Variants in IGF1R observed in about 807,000 individuals in gnomAD.
The protein encoded by IGF1R is insulin-like growth factor 1 receptor.
IGF1R carries 44 observed loss-of-function variants against 144.6 expected under a neutral mutation model. The ratio of observed to expected loss-of-function variants is 0.30; its 90% CI spans 0.24 to 0.39. IGF1R has a LOEUF of 0.39. Among genes scored for constraint, IGF1R ranks in the 10% least tolerant of loss-of-function variants. IGF1R has a pLI of 1.00. For synonymous variants in IGF1R, 795 were observed against 722.8 expected (o/e 1.10, Z -1.60); for missense variants, 1,355 against 1,833.7 (o/e 0.74, Z 4.77).
intron 2 of IGF1R, among the ~76,000 whole-genome samples, chr15:98,829,988 C>T (rs190131174): frequency 5.1e-4 from 78 of 152,270 alleles, no homozygotes; most frequent in African/African-American, 1.8e-3. Flanking sequence ...ATCAAATGTC[C>T]ACCATTAGTA....
intron 2 of IGF1R, among the ~76,000 whole-genome samples, chr15:98,832,269 A>T (rs969279271): frequency 6.6e-6 from 1 of 152,194 alleles, no homozygotes; most frequent in Non-Finnish European, 1.5e-5. Flanking sequence ...GCGGTTAAAC[A>T]GTTAAGAGGT....
intron 1 of IGF1R, among the ~76,000 whole-genome samples, chr15:98,685,974 A>G (rs1407227616): frequency 2.0e-5 from 3 of 152,248 alleles, no homozygotes; most frequent in African/African-American, 7.2e-5. Context: ...AACCATCACC[A>G]CTGTCCATCT....
At chr15:98,654,418 T>C (rs1596144373) in intron 1 of IGF1R, among the ~76,000 whole-genome samples, 1 of 152,182 alleles carries the variant, frequency 6.6e-6, no homozygotes, top group Non-Finnish European at 1.5e-5. Context: ...ATTTCAGAAG[T>C]TTTCTGGATT....
At chr15:98,894,580 G>C (rs573706047) in intron 3 of IGF1R, among the ~76,000 whole-genome samples, 1 of 152,296 alleles carries the variant, frequency 6.6e-6, no homozygotes. Context: ...ATCACATACT[G>C]TATAATTCCA....
chr15:98,851,022 C>T (rs971231960), intron 2 of IGF1R, among the ~76,000 whole-genome samples: 1 of 152,226 alleles, frequency 6.6e-6, no homozygotes, highest in Non-Finnish European at 1.5e-5. Flanking sequence ...GCAACCTTAA[C>T]ACAGTGCTAC....
At chr15:98,740,544 G>C (rs553570582) in intron 2 of IGF1R, among the ~76,000 whole-genome samples, 4 of 152,208 alleles carry the variant, frequency 2.6e-5, no homozygotes, top group South Asian at 2.1e-4. Context: ...GGTTAGTTAC[G>C]TGTGATACAA....
chr15:98,955,814 A>C (rs2016956659), intron 20 of IGF1R, among the ~76,000 whole-genome samples: 1 of 152,242 alleles, frequency 6.6e-6, no homozygotes, highest in African/African-American at 2.4e-5. Context: ...CCCTGACAGG[A>C]GGCTAGATGC....
At chr15:98,945,682 T>A (rs1052200791) in intron 19 of IGF1R, among the ~76,000 whole-genome samples, 1 of 152,176 alleles carries the variant, frequency 6.6e-6, no homozygotes, top group African/African-American at 2.4e-5. Context: ...CTTCGGTTGC[T>A]CCATCTGTAA....
At chr15:98,721,466 A>T (rs2054244883) in intron 2 of IGF1R, among the ~76,000 whole-genome samples, 1 of 152,212 alleles carries the variant, frequency 6.6e-6, no homozygotes, top group Admixed American at 6.5e-5. Flanking sequence ...GACCCCACTT[A>T]GTGTCTGAGT....
Position 98,957,789 on chromosome 15 carries a change from A to G in IGF1R, c.*347A>G, listed in dbSNP as rs554580628. 1.4e-5 allele frequency: 5 copies of G among 360,180 alleles called. No homozygotes were observed. The highest frequency in any genetic ancestry group is 1.3e-4 in the Admixed American group (3 of 23,018). 22.3% of individuals were successfully genotyped at this position (360,180 alleles called of 1,614,324 possible). On this transcript the variant is annotated 3_prime_UTR_variant, in exon 21 of 21. Transcript: ENST00000650285. ...TCCCTTTCTCTCTCCTCTCTGCTTC[A>G]TAACGGAAAAATAATTGCCACAAGT... is the stretch of plus-strand genomic sequence containing the variant.
At chr15:98,796,671 T>C (rs868642050) in intron 2 of IGF1R, among the ~76,000 whole-genome samples, 1 of 152,210 alleles carries the variant, frequency 6.6e-6, no homozygotes. Flanking sequence ...CAGCACTTAT[T>C]TTCTAACATA....
At chr15:98,809,612 T>C (rs1319074575) in intron 2 of IGF1R, among the ~76,000 whole-genome samples, 1 of 152,198 alleles carries the variant, frequency 6.6e-6, no homozygotes, top group Non-Finnish European at 1.5e-5. Context: ...GTGTAAATAG[T>C]CTTGAAGAGT....
chr15:98,662,444 T>C (rs979836074), intron 1 of IGF1R, among the ~76,000 whole-genome samples: 6 of 152,062 alleles, frequency 3.9e-5, no homozygotes, highest in Non-Finnish European at 7.4e-5. Context: ...CATGTCCCTA[T>C]CTGTGGAAGG....
intron 2 of IGF1R, among the ~76,000 whole-genome samples, chr15:98,822,805 G>A (rs1596332640): frequency 6.6e-6 from 1 of 152,170 alleles, no homozygotes; most frequent in East Asian, 1.9e-4. Flanking sequence ...TTGCTAAGAT[G>A]TAAAAAACAG....
At chr15:98,653,753 G>C (rs2052423164) in intron 1 of IGF1R, among the ~76,000 whole-genome samples, 1 of 152,204 alleles carries the variant, frequency 6.6e-6, no homozygotes, top group African/African-American at 2.4e-5. Flanking sequence ...CTAAGGCTTA[G>C]TTTACTAATA....
intron 4 of IGF1R, chr15:98,897,423 T>C (rs2014255358): frequency 5.8e-6 from 1 of 171,604 alleles, no homozygotes; most frequent in South Asian, 1.4e-4. Context: ...TGTGTGTCAT[T>C]GTGTACATAA....
intron 2 of IGF1R, among the ~76,000 whole-genome samples, chr15:98,798,076 T>C (rs926644363): frequency 5.3e-5 from 8 of 152,210 alleles, no homozygotes; most frequent in Non-Finnish European, 8.8e-5. Flanking sequence ...GAGCACCTGC[T>C]GTGTGCCAGG....
intron 5 of IGF1R, 57 bp from the exon 6 acceptor site, chr15:98,908,628 G>A: frequency 7.4e-7 from 1 of 1,345,290 alleles, no homozygotes; most frequent in Non-Finnish European, 1.1e-6. Context: ...TGGCCAGCAG[G>A]CTAGAGGGGA....
intron 2 of IGF1R, among the ~76,000 whole-genome samples, chr15:98,801,394 G>A (rs974231192): frequency 6.6e-6 from 1 of 152,234 alleles, no homozygotes; most frequent in Admixed American, 6.5e-5. Flanking sequence ...AACAAAGAGA[G>A]CGGGCATTGT....
Sources: allele counts gnomAD v4.1 joint callset (sites outside exome capture counted in the v4.1 genomes callset), GRCh38; gene constraint gnomAD v4.1.1; transcripts MANE v1.5; gene names NCBI Gene and HGNC (gene_info 2026-07-23, HGNC 2026-07-21).